The following OPTC variants were observed in gnomAD, a reference collection of about 807,000 sequenced individuals.
OPTC encodes opticin, also known as oculoglycan.
OPTC carries 22 observed loss-of-function variants against 25.4 expected under a neutral mutation model. That is an observed-to-expected ratio of 0.87 (90% confidence interval 0.62 to 1.24). The LOEUF is 1.24. Ranked by LOEUF, OPTC falls within the 50% of genes most tolerant of loss-of-function variation. The pLI is 0.00. For synonymous variants in OPTC, 169 were observed against 179.3 expected, an observed-to-expected ratio of 0.94 and a Z score of 0.46; for missense variants, 417 against 425.2, an observed-to-expected ratio of 0.98 and a Z score of 0.17.
chr1:203,496,512 C>G (rs1028047154), intron 2 of OPTC, among the ~76,000 whole-genome samples: 7 of 152,182 alleles, frequency 4.6e-5, no homozygotes, highest in African/African-American at 1.4e-4. Context: ...TCATCATATT[C>G]TCTAGGAAAT....
intron 5 of OPTC, 67 bp from the exon 6 acceptor site, chr1:203,502,847 T>C (rs900976926): frequency 1.6e-6 from 2 of 1,228,830 alleles, no homozygotes; most frequent in Non-Finnish European, 2.4e-6. Flanking sequence ...TCTGGTCTCA[T>C]AGCCCTCCTC....
intron 4 of OPTC, 86 bp from the exon 5 acceptor site, chr1:203,499,563 A>G (rs1227664844): frequency 9.1e-7 from 1 of 1,092,904 alleles, no homozygotes; most frequent in African/African-American, 1.5e-5. Flanking sequence ...AGAGGGATGG[A>G]GCAAGGTGTG....
intron 2 of OPTC, 133 bp downstream of exon 2, chr1:203,496,369 C>T: frequency 1.4e-6 from 1 of 717,606 alleles, no homozygotes; most frequent in South Asian, 1.5e-5. Flanking sequence ...AATTCTTATC[C>T]CTCCATAGGG....
chr1:203,500,027 TACCACCGCCACC>T (rs1661352256), intron 5 of OPTC, among the ~76,000 whole-genome samples, 176 bp downstream of exon 5: 1 of 26,498 alleles, frequency 3.8e-5, no homozygotes, highest in Non-Finnish European at 7.6e-5. Flanking sequence ...ACCACCCACC[TACCACCGCCACC>T]ACCACCACCT....
Position 203,499,818 on chromosome 1 carries a change from C to T in OPTC, c.699C>T (p.Leu233=). The T allele has an allele frequency of 1.2e-6, 2 of 1,612,488 alleles. No homozygotes were observed. Among genetic ancestry groups the T allele is most frequent in the Admixed American group, 3.3e-5 (2 of 59,974 alleles). Reference sequence around the variant, plus strand: ...TCCTGGATGTCCGCCTAAATCGGCTCCAGAGCTCGGGGATACAGCCTGCAG... The same window carrying T: ...TCCTGGATGTCCGCCTAAATCGGCTTCAGAGCTCGGGGATACAGCCTGCAG... ...IEFLDVRLNR[L]QSSGIQPAAF... Residue 233 remains leucine, a synonymous_variant, in exon 5 of 8, where the codon CTC becomes CTT. Coordinates refer to ENST00000367222, the MANE Select transcript of OPTC (RefSeq NM_014359.4).
At chr1:203,506,540 C>T (rs1267870511) in intron 7 of OPTC, among the ~76,000 whole-genome samples, 1 of 152,000 alleles carries the variant, frequency 6.6e-6, no homozygotes, top group Non-Finnish European at 1.5e-5. Flanking sequence ...ACATCATTCC[C>T]ACATGCCTCT....
chr1:203,505,317 T>G (rs969104006), intron 7 of OPTC, among the ~76,000 whole-genome samples: 1 of 152,180 alleles, frequency 6.6e-6, no homozygotes, highest in African/African-American at 2.4e-5. Flanking sequence ...ATGTAGAGAA[T>G]GCTATGAATG....
intron 4 of OPTC, among the ~76,000 whole-genome samples, chr1:203,499,072 G>T (rs985969302): frequency 6.6e-6 from 1 of 152,212 alleles, no homozygotes; most frequent in African/African-American, 2.4e-5. Flanking sequence ...CGTCTGGGAA[G>T]CTGGGAGGGG....
chr1:203,499,933 C>T, intron 5 of OPTC, 82 bp downstream of exon 5: 1 of 1,141,876 alleles, frequency 8.8e-7, no homozygotes, highest in South Asian at 1.2e-5. Context: ...CTACCTCCAC[C>T]ACTCACCTCC....
intron 7 of OPTC, among the ~76,000 whole-genome samples, chr1:203,506,145 C>CTTTTTTT (rs78639556): frequency 3.4e-5 from 3 of 89,458 alleles, no homozygotes; most frequent in African/African-American, 7.7e-5. Context: ...ATCCAATTTT[C>CTTTTTTT]TTTTTTCTTT....
Position 203,503,579 on chromosome 1 carries a change from C to T in OPTC, c.858C>T (p.Asp286=), listed in dbSNP as rs140640370. 1.3e-4 allele frequency: 209 copies of T among 1,613,662 alleles called. No homozygotes were observed. The highest frequency in any genetic ancestry group is 8.2e-4 in the Middle Eastern group (5 of 6,062). The change falls in exon 7 of 8, where the codon GAC becomes GAT. Residue 286 remains aspartate, a synonymous_variant. Transcript: ENST00000367222. ...QNNLIETMQR[D]VFCDPEEHKH... is the part of the protein sequence containing the mutation. ...ACCTGATAGAGACCATGCAGAGAGA[C>T]GTCTTCTGTGACCCCGAGGAGCACA...
intron 1 of OPTC, among the ~76,000 whole-genome samples, chr1:203,495,121 C>T (rs755043199): frequency 1.8e-4 from 27 of 152,196 alleles, no homozygotes; most frequent in Non-Finnish European, 3.7e-4. Flanking sequence ...AGGGCTGTGC[C>T]TCATTCATTC....
intron 7 of OPTC, among the ~76,000 whole-genome samples, chr1:203,505,977 GTCTC>G (rs1661476879): frequency 6.8e-6 from 1 of 147,054 alleles, no homozygotes; most frequent in Non-Finnish European, 1.5e-5. Context: ...TGTGTTTTCT[GTCTC>G]TCTCTCCCTT....
At chr1:203,503,079 T>C in intron 6 of OPTC, 70 bp downstream of exon 6, 2 of 1,266,432 alleles carry the variant, frequency 1.6e-6, no homozygotes, top group South Asian at 1.2e-5. Flanking sequence ...CAGGAGCAGG[T>C]CGTGGCAGAG....
At chr1:203,495,879 A>G in intron 1 of OPTC, 86 bp from the exon 2 acceptor site, 1 of 707,726 alleles carries the variant, frequency 1.4e-6, no homozygotes, top group Non-Finnish European at 2.6e-6. Flanking sequence ...GGGGGTGGGA[A>G]GTGGAGTAAA....
intron 1 of OPTC, among the ~76,000 whole-genome samples, chr1:203,494,521 C>T (rs774950072): frequency 2.0e-5 from 3 of 152,068 alleles, no homozygotes; most frequent in African/African-American, 4.8e-5. Context: ...TGGTAACACA[C>T]GCCTGTAGTC....
chr1:203,496,322 G>A lies in OPTC; in HGVS notation c.231+86G>A, dbSNP rs72743632. 4.8e-3 allele frequency: 4,423 copies of A among 920,144 alleles called. 16 individuals carry two copies. The highest frequency in any genetic ancestry group is 6.3e-3 in the Non-Finnish European group (3,573 of 563,122). The allele number at this position is 920,144 out of a possible 1,614,324, so 57.0% of individuals were successfully genotyped here. ...CCCTCCCATCTGCCCCAAAGTGCGG[G>A]TGTCTCCAGCCTCCACCTCTTTCTC... On this transcript the variant is annotated intron_variant, in intron 2 of 7. Coordinates refer to ENST00000367222, the MANE Select transcript of OPTC (RefSeq NM_014359.4).
intron 7 of OPTC, among the ~76,000 whole-genome samples, chr1:203,508,244 G>A (rs916388176): frequency 2.6e-5 from 4 of 152,116 alleles, no homozygotes; most frequent in South Asian, 4.1e-4. Context: ...CCCCTACCAC[G>A]TCCCCCCAAA....
At chr1:203,505,926 C>CTG (rs1470313339) in intron 7 of OPTC, among the ~76,000 whole-genome samples, 9 of 148,810 alleles carry the variant, frequency 6.0e-5, no homozygotes, top group Non-Finnish European at 1.0e-4. Context: ...ATCTCTCTCT[C>CTG]TGTGTGTGTC....
Sources: gnomAD v4.1 joint callset for allele counts (sites outside exome capture counted in the v4.1 genomes callset) on GRCh38, gnomAD v4.1.1 for gene constraint, MANE v1.5 for transcripts, NCBI Gene and HGNC (gene_info 2026-07-23, HGNC 2026-07-21) for gene names.